STRN3: variants seen among roughly 807,000 people sequenced by gnomAD.
The protein encoded by STRN3 is striatin 3.
Under a neutral mutation model 95.6 loss-of-function variants are expected in STRN3, and 29 were observed. The observed-to-expected ratio is 0.30, with a 90% CI of 0.23 to 0.41. STRN3 has a LOEUF of 0.41. Ranked by LOEUF, STRN3 falls within the 10% of genes least tolerant of loss-of-function variation. STRN3 has a pLI of 1.00. For missense variants in STRN3, 890 were observed against 972.1 expected (o/e 0.92, Z 1.12); for synonymous variants, 331 against 357.6 (o/e 0.93, Z 0.84).
At chr14:31,018,912 C>T (rs190987982) in intron 1 of STRN3, 8 of 267,184 alleles carry the variant, frequency 3.0e-5, no homozygotes, top group Admixed American at 1.6e-4. Flanking sequence ...CACCTGAGGT[C>T]GGGAGTTTGA....
intron 1 of STRN3, among the ~76,000 whole-genome samples, chr14:31,008,088 G>A (rs976751797): frequency 1.3e-5 from 2 of 152,154 alleles, no homozygotes; most frequent in Admixed American, 6.5e-5. Context: ...CTACTCGGGA[G>A]GCTGAGGCAG....
rs1555317336 is a variant in STRN3 at position 30,929,967 on chromosome 14, A to AAAAAAAAAAAAAAAAAAAC, written c.989-657_989-656insGTTTTTTTTTTTTTTTTTT. Among the ~76,000 whole-genome samples, 181 of 91,158 alleles carry AAAAAAAAAAAAAAAAAAAC rather than the reference A, an allele frequency of 2.0e-3. 1 individual carries two copies. The highest frequency in any genetic ancestry group is 2.8e-3 in the Non-Finnish European group (124 of 44,108). The allele number at this position is 91,158 out of a possible 152,430, so 59.8% of individuals were successfully genotyped here. ...AACTAAGATTAGCAAAAAAAAAAAAAAAAAAAAAAAAACTCAAATTCCACT... is the reference window on the plus strand; with the variant it reads ...AACTAAGATTAGCAAAAAAAAAAAAAAAAAAAAAAAAAAAAAAACAAAAAAAAAAAACTCAAATTCCACT... On this transcript the variant is annotated intron_variant, in intron 7 of 17. Coordinates refer to ENST00000357479, the MANE Select transcript of STRN3 (RefSeq NM_001083893.2).
At chr14:30,974,698 G>A (rs1881002787) in intron 1 of STRN3, among the ~76,000 whole-genome samples, 1 of 151,940 alleles carries the variant, frequency 6.6e-6, no homozygotes, top group Admixed American at 6.6e-5. Flanking sequence ...CAGCTACTCA[G>A]GGGGCTGAGA....
intron 1 of STRN3, among the ~76,000 whole-genome samples, chr14:30,992,565 T>TA (rs58987293): frequency 0.015 from 1,387 of 94,088 alleles, 24 homozygotes; most frequent in Non-Finnish European, 0.022. Context: ...CCTGTCTCTT[T>TA]AAAAAAAAAA....
At chr14:30,948,597 A>G (rs553364186) in intron 4 of STRN3, among the ~76,000 whole-genome samples, 13 of 152,334 alleles carry the variant, frequency 8.5e-5, no homozygotes, top group African/African-American at 3.1e-4. Context: ...CAAGACACCA[A>G]TTATAACAAA....
intron 1 of STRN3, among the ~76,000 whole-genome samples, chr14:30,967,326 C>A (rs1168049542): frequency 6.6e-6 from 1 of 150,786 alleles, no homozygotes; most frequent in East Asian, 1.9e-4. Context: ...GGCAGAGAGA[C>A]AGAGAGTCAG....
intron 5 of STRN3, 103 bp from the exon 6 acceptor site, chr14:30,936,727 G>C: frequency 2.4e-5 from 32 of 1,354,322 alleles, no homozygotes; most frequent in South Asian, 3.2e-5. Flanking sequence ...AGAGAGATTC[G>C]AATGACTACC....
intron 13 of STRN3, among the ~76,000 whole-genome samples, chr14:30,909,924 T>C (rs1301348925): frequency 6.6e-6 from 1 of 152,192 alleles, no homozygotes; most frequent in Non-Finnish European, 1.5e-5. Context: ...TCTACCACAC[T>C]CCCTCAGCGT....
At chr14:31,002,636 T>C (rs1882518159) in intron 1 of STRN3, among the ~76,000 whole-genome samples, 1 of 125,234 alleles carries the variant, frequency 8.0e-6, no homozygotes, top group South Asian at 2.4e-4. Context: ...GCAAGACTGC[T>C]TCTCAAAAAA....
At chr14:30,985,357 A>C (rs868845766) in intron 1 of STRN3, among the ~76,000 whole-genome samples, 4 of 151,132 alleles carry the variant, frequency 2.6e-5, no homozygotes, top group Middle Eastern at 3.4e-3. Context: ...TAATCCCAGC[A>C]CTTTTGGGGG....
intron 1 of STRN3, among the ~76,000 whole-genome samples, chr14:31,024,495 CA>C: frequency 6.6e-6 from 1 of 152,232 alleles, no homozygotes; most frequent in East Asian, 1.9e-4. Flanking sequence ...AATATTATAT[CA>C]AAACACAATT....
Position 30,907,023 on chromosome 14 carries a change from G to A in STRN3, c.1742C>T (p.Thr581Ile), listed in dbSNP as rs199614478. The change falls in exon 14 of 18, where the codon ACT becomes ATT. Residue 581 changes from threonine (T) to isoleucine (I), a missense_variant. Around this residue, in one of 3 missense-constraint regions of STRN3, gnomAD observed 357 missense variants for 422.8 expected, o/e 0.84. Coordinates refer to ENST00000357479, the MANE Select transcript of STRN3 (RefSeq NM_001083893.2). ...AACTGCATCTGTATGACCAACTAAA[G>A]TGCCAGCTAGAACATTTGGCTCTGG... The part of the protein sequence containing the change: ...DTYEPNVLAG[T>I]LVGHTDAVWG... 11 of 1,612,550 alleles carry A rather than the reference G, an allele frequency of 6.8e-6. No individual in the cohort carries two copies. The highest frequency in any genetic ancestry group is 8.5e-6 in the Non-Finnish European group (10 of 1,179,512).
intron 1 of STRN3, among the ~76,000 whole-genome samples, chr14:30,976,969 A>C (rs933709613): frequency 6.6e-5 from 10 of 152,116 alleles, no homozygotes; most frequent in Non-Finnish European, 1.5e-4. Flanking sequence ...ACAAGCCTGT[A>C]ATCCCAGCAC....
chr14:30,917,710 A>AT (rs11396931), intron 9 of STRN3, among the ~76,000 whole-genome samples: 29,998 of 151,766 alleles, frequency 0.2, 3,566 homozygotes, highest in Middle Eastern at 0.3. Context: ...TACTTTAGTG[A>AT]TTTTTTTTAA....
chr14:30,973,240 A>T (rs903171035), intron 1 of STRN3, among the ~76,000 whole-genome samples: 15 of 148,324 alleles, frequency 1.0e-4, no homozygotes, highest in Non-Finnish European at 1.9e-4. Flanking sequence ...TAAAGATTGG[A>T]GCAGAGATCA....
chr14:30,995,444 T>G (rs972296981), intron 1 of STRN3, among the ~76,000 whole-genome samples: 1 of 152,182 alleles, frequency 6.6e-6, no homozygotes, highest in African/African-American at 2.4e-5. Flanking sequence ...TAACCCTCTC[T>G]CTTGTTCTTA....
chr14:30,956,055 A>C, intron 2 of STRN3, 84 bp downstream of exon 2: 2 of 1,176,116 alleles, frequency 1.7e-6, no homozygotes, highest in South Asian at 2.9e-5. Flanking sequence ...CTTTCAAAAA[A>C]AGCTGCCAAA....
rs200839727 is a variant in STRN3 at position 30,925,821 on chromosome 14, AT to A, written c.1099+3379del. 2.9e-3 allele frequency among the ~76,000 whole-genome samples: 443 copies of A among 152,242 alleles called. 6 individuals carry two copies. Among genetic ancestry groups the A allele is most frequent in the African/African-American group, 0.01 (421 of 41,556 alleles). On this transcript the variant is annotated intron_variant, in intron 8 of 17. Coordinates refer to ENST00000357479, the MANE Select transcript of STRN3 (RefSeq NM_001083893.2). ...AATTATGTGTCATTTATAAGCAAAAATTTTTTTAAAGAAATCAAAAGGCTAC... is the reference window on the plus strand; with the variant it reads ...AATTATGTGTCATTTATAAGCAAAAATTTTTTAAAGAAATCAAAAGGCTAC...
intron 1 of STRN3, among the ~76,000 whole-genome samples, chr14:31,012,039 G>C (rs568566410): frequency 2.0e-5 from 3 of 152,294 alleles, no homozygotes; most frequent in East Asian, 3.9e-4. Context: ...CCGAGATCGC[G>C]CAACTGCGCT....
Sources: allele counts gnomAD v4.1 joint callset (sites outside exome capture counted in the v4.1 genomes callset), GRCh38; gene constraint gnomAD v4.1.1; regional missense constraint gnomAD v4.1.1; transcripts MANE v1.5; gene names NCBI Gene and HGNC (gene_info 2026-07-23, HGNC 2026-07-21).